Variants in TDRD7 observed in about 807,000 individuals in gnomAD.
TDRD7 encodes tudor domain-containing protein 7.
A neutral mutation model predicts 109.8 loss-of-function variants in TDRD7; 47 were observed. That is an observed-to-expected ratio of 0.43 (90% confidence interval 0.34 to 0.55). TDRD7 has a LOEUF of 0.55. TDRD7 is among the 20% of genes least tolerant of loss of function. The pLI is 0.03. For missense variants in TDRD7, 1,164 were observed against 1,319.2 expected (o/e 0.88, Z 1.82); for synonymous variants, 424 against 457.3 (o/e 0.93, Z 0.93).
intron 3 of TDRD7, among the ~76,000 whole-genome samples, chr9:97,431,553 C>T (rs1828104502): frequency 6.6e-6 from 1 of 152,126 alleles, no homozygotes; most frequent in South Asian, 2.1e-4. Context: ...AGTTCTAAAA[C>T]TAAATTCCCA....
At chr9:97,479,177 C>G (rs1289799976) in intron 13 of TDRD7, among the ~76,000 whole-genome samples, 1 of 151,966 alleles carries the variant, frequency 6.6e-6, no homozygotes. Context: ...TTCAAGATGC[C>G]CAGTTACTAA....
At chr9:97,428,435 G>T in intron 1 of TDRD7, 25 bp from the exon 2 acceptor site, 1 of 1,606,944 alleles carries the variant, frequency 6.2e-7, no homozygotes, top group Non-Finnish European at 8.5e-7. Flanking sequence ...CCATATTATA[G>T]TAACCTTCTA....
Position 97,495,830 on chromosome 9 carries a change from T to G in TDRD7, c.3244T>G (p.Trp1082Gly). 6.2e-7 allele frequency: 1 copy of G among 1,614,202 alleles called. No homozygotes were observed. The change falls in exon 17 of 17, where the codon TGG becomes GGG. Residue 1082 changes from tryptophan (W) to glycine (G), a missense_variant. Physicochemically the swap from Trp to Gly is radical, Grantham distance 184. This residue lies in a region of TDRD7 where 162 missense variants were observed against 222.5 expected (regional missense o/e 0.73). Transcript: ENST00000355295. ...VDTSLPDTDT[W>G]IHDFMSEYLI... is the part of the protein sequence containing the mutation. Reference sequence around the variant, plus strand: ...CACATCGTTGCCAGACACCGATACCTGGATTCATGATTTTATGTCAGAGTA... The same window carrying G: ...CACATCGTTGCCAGACACCGATACCGGGATTCATGATTTTATGTCAGAGTA...
intron 6 of TDRD7, among the ~76,000 whole-genome samples, chr9:97,446,524 T>C (rs1444206882): frequency 6.6e-6 from 1 of 152,254 alleles, no homozygotes; most frequent in Non-Finnish European, 1.5e-5. Context: ...AAGGATGTTT[T>C]ACTGTTAATC....
chr9:97,474,788 G>A (rs901214917), intron 11 of TDRD7, among the ~76,000 whole-genome samples: 3 of 152,226 alleles, frequency 2.0e-5, no homozygotes, highest in African/African-American at 7.2e-5. Context: ...TGCCTTTGGG[G>A]AGAGTAGAAA....
At chr9:97,439,974 T>C (rs1182418356) in intron 5 of TDRD7, among the ~76,000 whole-genome samples, 1 of 152,184 alleles carries the variant, frequency 6.6e-6, no homozygotes, top group African/African-American at 2.4e-5. Flanking sequence ...TCAGTGCTTA[T>C]AGTGTGTGAA....
intron 12 of TDRD7, among the ~76,000 whole-genome samples, chr9:97,476,505 C>T (rs1278589109): frequency 7.0e-6 from 1 of 143,176 alleles, no homozygotes; most frequent in African/African-American, 2.6e-5. Context: ...CACTTGATGT[C>T]AGGAGTTTGA....
At chr9:97,489,786 C>T (rs139134286) in intron 16 of TDRD7, among the ~76,000 whole-genome samples, 1 of 152,102 alleles carries the variant, frequency 6.6e-6, no homozygotes, top group African/African-American at 2.4e-5. Context: ...AGTAATGCCA[C>T]TTTCTCTCCT....
chr9:97,418,130 A>G (rs1456792659), intron 1 of TDRD7, among the ~76,000 whole-genome samples: 1 of 152,188 alleles, frequency 6.6e-6, no homozygotes, highest in East Asian at 1.9e-4. Context: ...ATCTGGGGGA[A>G]AAATAAAGGG....
Position 97,431,128 on chromosome 9 carries a change from A to T in TDRD7, c.349+54A>T, listed in dbSNP as rs113176178. 1.1e-5 allele frequency: 18 copies of T among 1,603,502 alleles called. No homozygotes were observed. In the Middle Eastern group the frequency reaches 4.9e-4, roughly 44 times the overall value. Reference sequence around the variant, plus strand: ...TAGGGCTGTCTACGAATACATTATCATAGGGAATTATGGAAATATTGTTTG... The same window carrying T: ...TAGGGCTGTCTACGAATACATTATCTTAGGGAATTATGGAAATATTGTTTG... On this transcript the variant is annotated intron_variant, in intron 3 of 16. Transcript: ENST00000355295.
intron 9 of TDRD7, among the ~76,000 whole-genome samples, chr9:97,471,515 G>A (rs1011778280): frequency 6.6e-6 from 1 of 152,178 alleles, no homozygotes; most frequent in African/African-American, 2.4e-5. Flanking sequence ...GAAATTAAAT[G>A]TTTGAGAAAA....
intron 4 of TDRD7, among the ~76,000 whole-genome samples, chr9:97,436,915 T>C (rs531979685): frequency 5.9e-5 from 9 of 152,324 alleles, no homozygotes; most frequent in Non-Finnish European, 1.0e-4. Context: ...TACCTCCCTA[T>C]TCTGCAGTAC....
At chr9:97,453,634 A>G (rs576745763) in intron 6 of TDRD7, among the ~76,000 whole-genome samples, 19 of 152,242 alleles carry the variant, frequency 1.2e-4, no homozygotes, top group African/African-American at 4.1e-4. Flanking sequence ...TCAGTGTGCT[A>G]TGTTCAGGAG....
chr9:97,435,780 C>A (rs1352486293), intron 4 of TDRD7, among the ~76,000 whole-genome samples: 1 of 152,058 alleles, frequency 6.6e-6, no homozygotes, highest in Non-Finnish European at 1.5e-5. Flanking sequence ...TTATGGGTAA[C>A]ATTTCTAGTT....
intron 16 of TDRD7, among the ~76,000 whole-genome samples, chr9:97,491,152 G>A (rs925347300): frequency 4.7e-4 from 72 of 151,922 alleles, no homozygotes; most frequent in African/African-American, 1.6e-3. Flanking sequence ...TCCTGACTTC[G>A]TGATCCACCC....
intron 1 of TDRD7, among the ~76,000 whole-genome samples, chr9:97,415,838 A>G (rs887789182): frequency 6.6e-6 from 1 of 152,220 alleles, no homozygotes; most frequent in East Asian, 1.9e-4. Context: ...TTATTTTTAT[A>G]GTTAGAACAA....
chr9:97,456,747 C>G (rs1587876550), intron 6 of TDRD7, among the ~76,000 whole-genome samples: 1 of 152,180 alleles, frequency 6.6e-6, no homozygotes, highest in East Asian at 1.9e-4. Context: ...CAACACCATT[C>G]AGGACATAGG....
intron 12 of TDRD7, among the ~76,000 whole-genome samples, chr9:97,475,752 A>G (rs557379053): frequency 2.6e-5 from 4 of 152,150 alleles, no homozygotes; most frequent in Non-Finnish European, 5.9e-5. Context: ...CTTTTACTAT[A>G]TATTTTTAAT....
intron 6 of TDRD7, among the ~76,000 whole-genome samples, chr9:97,459,111 T>A (rs1828666521): frequency 6.6e-6 from 1 of 152,172 alleles, no homozygotes. Flanking sequence ...AGTCTAATGG[T>A]CTCGTACAGG....
Sources: gnomAD v4.1 joint callset for allele counts (sites outside exome capture counted in the v4.1 genomes callset) on GRCh38, gnomAD v4.1.1 for gene constraint, gnomAD v4.1.1 regional missense constraint, MANE v1.5 for transcripts, NCBI Gene and HGNC (gene_info 2026-07-23, HGNC 2026-07-21) for gene names.